The following CARD14 variants were observed in gnomAD, a reference collection of about 807,000 sequenced individuals.
CARD14 encodes caspase recruitment domain-containing protein 14.
In CARD14, 107 loss-of-function variants were observed where a neutral mutation model predicts 111.5. That is an observed-to-expected ratio of 0.96 (90% CI 0.82 to 1.13). CARD14 has a LOEUF of 1.13. CARD14 is among the 50% of genes most tolerant of loss of function. The pLI is 0.00. For synonymous variants in CARD14, 617 were observed against 579.6 expected, an observed-to-expected ratio of 1.06 and a Z score of -0.93; for missense variants, 1,322 against 1,362.3, an observed-to-expected ratio of 0.97 and a Z score of 0.47.
intron 7 of CARD14, among the ~76,000 whole-genome samples, chr17:80,187,352 C>T (rs1362907670): frequency 1.3e-5 from 2 of 152,226 alleles, no homozygotes; most frequent in Non-Finnish European, 2.9e-5. Context: ...TGTAATCAAA[C>T]ACTGTGTTTG....
Position 80,182,501 on chromosome 17 carries a change from A to G in CARD14, c.212-152A>G, listed in dbSNP as rs955987723. ...AGAGCAGTGAGGGCGCGTCCCACCCAGCAGAACCCAGAAAACCGCTTTCAC... is the reference window on the plus strand; with the variant it reads ...AGAGCAGTGAGGGCGCGTCCCACCCGGCAGAACCCAGAAAACCGCTTTCAC... On this transcript the variant is annotated intron_variant, in intron 5 of 23. Transcript: ENST00000648509. The surrounding 1 kb of genome is among the most constrained non-coding windows in gnomAD (Gnocchi z 4.7). 7.1e-6 allele frequency: 6 copies of G among 843,230 alleles called. No homozygotes were observed. The highest frequency in any genetic ancestry group is 1.1e-5 in the Non-Finnish European group (6 of 550,352). The allele number at this position is 843,230 out of a possible 1,614,324, so 52.2% of individuals were successfully genotyped here.
Position 80,198,960 on chromosome 17 carries a change from T to C in CARD14, c.1851+369T>C. The C allele has an allele frequency of 2.8e-6, 3 of 1,090,146 alleles. No homozygotes were observed. Among genetic ancestry groups the C allele is most frequent in the Non-Finnish European group, 3.4e-6 (3 of 892,516 alleles). The allele number at this position is 1,090,146 out of a possible 1,614,324, so 67.5% of individuals were successfully genotyped here. A position where few individuals can be genotyped will look rare whatever the true frequency, so the allele number is the denominator to read the frequency against. On this transcript the variant is annotated intron_variant, in intron 16 of 23. Coordinates refer to ENST00000648509, the MANE Select transcript of CARD14 (RefSeq NM_001366385.1). This position sits in a 1 kb window ranked among gnomAD's most constrained non-coding sequence, Gnocchi z 7.5. ...TCTTTTCTTTCTTTTTTTTTGTTTG[T>C]TGTTTTGAAACAGGGTCTCACTCTG...
intron 2 of CARD14, among the ~76,000 whole-genome samples, chr17:80,176,372 G>A (rs181214110): frequency 1.5e-4 from 23 of 149,856 alleles, no homozygotes; most frequent in South Asian, 2.1e-4. Context: ...CCCAGAAGAC[G>A]GATGTTGCCG....
At chr17:80,184,931 A>T in intron 7 of CARD14, among the ~76,000 whole-genome samples, 1 of 152,220 alleles carries the variant, frequency 6.6e-6, no homozygotes, top group Non-Finnish European at 1.5e-5. Context: ...TCTGAAACTC[A>T]GTGTGTTTCA....
intron 7 of CARD14, among the ~76,000 whole-genome samples, chr17:80,186,973 C>G (rs2040364804): frequency 6.6e-6 from 1 of 152,258 alleles, no homozygotes; most frequent in Non-Finnish European, 1.5e-5. Flanking sequence ...TGGACATATA[C>G]ATACACATAT....
chr17:80,184,199 G>A lies in CARD14; in HGVS notation c.636G>A (p.Lys212=), dbSNP rs757931478. 8 of 1,552,398 alleles carry A rather than the reference G, an allele frequency of 5.2e-6. No individual in the cohort carries two copies. Among genetic ancestry groups the A allele is most frequent in the Non-Finnish European group, 8.7e-7 (1 of 1,147,860 alleles). The change falls in exon 7 of 24, where the codon AAG becomes AAA. Residue 212 remains lysine (K), a synonymous_variant. Transcript: ENST00000648509. ...SLHYSNALQE[K]ELAASRCRSL... ...ACTATAGCAATGCGCTGCAGGAGAA[G>A]GAGCTGGCCGCCTCACGCTGCCGCA...
rs367767898 is a variant in CARD14, at chr17:80,188,554, G to A, written c.843+10G>A. 4.5e-5 allele frequency: 67 copies of A among 1,489,386 alleles called. No individual in the cohort carries two copies. The highest frequency in any genetic ancestry group is 4.0e-4 in the East Asian group (16 of 39,824). 92.3% of individuals were successfully genotyped at this position (1,489,386 alleles called of 1,614,324 possible). The stretch of plus-strand genomic sequence containing the variant: ...GCTGACTTTCAGCCTGGTAGGTTCC[G>A]GTCCCCGCAGCAGAGAGCGGCCTCC... On this transcript the variant is annotated intron_variant, in intron 8 of 23. Coordinates refer to ENST00000648509, the MANE Select transcript of CARD14 (RefSeq NM_001366385.1). The surrounding 1 kb of genome is among the most constrained non-coding windows in gnomAD (Gnocchi z 4.5).
chr17:80,191,332 G>T lies in CARD14; in HGVS notation c.1099G>T (p.Ala367Ser), dbSNP rs375882704. Reference sequence around the variant, plus strand: ...CCGTCGTGGCCCACAGGCGTACTCCGCGAGGGACAGTGCTCAGAGGGAGAT... The same window carrying T: ...CCGTCGTGGCCCACAGGCGTACTCCTCGAGGGACAGTGCTCAGAGGGAGAT... ...LQKERDQAYSARDSAQREISQ... is the reference protein window; with the variant it reads ...LQKERDQAYSSRDSAQREISQ... Residue 367 changes from alanine (A) to serine (S), a missense_variant, in exon 11 of 24, where the codon GCG becomes TCG. By Grantham distance (99) the Ala-to-Ser change is moderately conservative. Transcript: ENST00000648509. 15 of 1,613,122 alleles carry T rather than the reference G, an allele frequency of 9.3e-6. No individual in the cohort carries two copies. The highest frequency in any genetic ancestry group is 6.7e-5 in the East Asian group (3 of 44,868).
intron 11 of CARD14, chr17:80,192,272 AGAAAT>A: frequency 2.2e-6 from 1 of 454,376 alleles, no homozygotes. Context: ...ATATTCTAAA[AGAAAT>A]GAAATGCTGT....
chr17:80,177,474 T>C (rs1204163764), intron 2 of CARD14, among the ~76,000 whole-genome samples: 1 of 152,088 alleles, frequency 6.6e-6, no homozygotes, highest in Non-Finnish European at 1.5e-5. Context: ...GGCAGGCGGA[T>C]CACTTGAGGT....
chr17:80,182,868 A>C lies in CARD14; in HGVS notation c.349+78A>C. On this transcript the variant is annotated intron_variant, in intron 6 of 23. Coordinates refer to ENST00000648509, the MANE Select transcript of CARD14 (RefSeq NM_001366385.1). This position sits in a 1 kb window ranked among gnomAD's most constrained non-coding sequence, Gnocchi z 4.7. ...CCTGGTAACCCCAGGTGCCCCGCTTACTTGCCGATTTGCCCTACTCCCCCT... is the reference window on the plus strand; with the variant it reads ...CCTGGTAACCCCAGGTGCCCCGCTTCCTTGCCGATTTGCCCTACTCCCCCT... 1 of 1,566,436 alleles carries C rather than the reference A, an allele frequency of 6.4e-7. No individual in the cohort carries two copies. The highest frequency in any genetic ancestry group is 8.7e-7 in the Non-Finnish European group (1 of 1,145,196).
chr17:80,191,703 AGAGTCTGCCTCCATATCATC>A (rs1206574336), intron 11 of CARD14, among the ~76,000 whole-genome samples: 1 of 152,250 alleles, frequency 6.6e-6, no homozygotes, highest in Admixed American at 6.5e-5. Context: ...GTAGACAAGT[AGAGTCTGCCTCCATATCATC>A]GAATGGGGAG....
chr17:80,184,860 T>C (rs1449731315), intron 7 of CARD14, among the ~76,000 whole-genome samples: 1 of 150,984 alleles, frequency 6.6e-6, no homozygotes, highest in Non-Finnish European at 1.5e-5. Flanking sequence ...CGTCCTCCTT[T>C]GTCCTTCTCA....
At chr17:80,196,354 T>C (rs2040713767) in intron 14 of CARD14, 1 of 152,216 alleles carries the variant, frequency 6.6e-6, no homozygotes, top group Non-Finnish European at 1.5e-5. Context: ...TCATACACGT[T>C]TTTATTTATA....
chr17:80,206,838 A>C (rs187674509), intron 22 of CARD14, 132 bp from the exon 23 acceptor site: 10,831 of 490,578 alleles, frequency 0.022, 178 homozygotes, highest in Admixed American at 0.065. Flanking sequence ...TCTCCTCTAC[A>C]AAATTCAGCT....
chr17:80,205,731 G>C, intron 22 of CARD14, 79 bp downstream of exon 22: 1 of 1,426,884 alleles, frequency 7.0e-7, no homozygotes, highest in Non-Finnish European at 9.3e-7. Context: ...ATGAGATAAA[G>C]GTACAGGGAC....
Position 80,204,336 on chromosome 17 carries a change from T to C in CARD14, c.2393T>C (p.Met798Thr). The C allele has an allele frequency of 6.4e-7, 1 of 1,570,802 alleles. No individual in the cohort carries two copies. The highest frequency in any genetic ancestry group is 8.7e-7 in the Non-Finnish European group (1 of 1,152,836). The change falls in exon 20 of 24, where the codon ATG becomes ACG. Residue 798 changes from methionine to threonine, a missense_variant. Physicochemically the swap from Met to Thr is moderately conservative, Grantham distance 81 (BLOSUM62 -1). Transcript: ENST00000648509. ...FDRGQLDPSR[M>T]EGSSTCFWAE... ...AGGGGCCAGTTGGACCCCAGCAGGA[T>C]GGAGGGTGAGGCCTGGTGAGCTGGC...
In CARD14 at chr17:80,209,253, A is replaced by G; in HGVS notation, c.*908A>G. 1.1e-6 allele frequency: 1 copy of G among 915,000 alleles called. No individual in the cohort carries two copies. Among genetic ancestry groups the G allele is most frequent in the Middle Eastern group, 5.5e-4 (1 of 1,810 alleles). 56.7% of individuals were successfully genotyped at this position (915,000 alleles called of 1,614,324 possible). A position where few individuals can be genotyped will look rare whatever the true frequency, so the allele number is the denominator to read the frequency against. On this transcript the variant is annotated 3_prime_UTR_variant, in exon 24 of 24. Transcript: ENST00000648509. ...CCAAGAATCAGGAAGCTGTTCTAGA[A>G]TTCAGGTTGGTATCATCATAAATGA...
chr17:80,185,224 A>T (rs7220436), intron 7 of CARD14, among the ~76,000 whole-genome samples: 36,906 of 143,622 alleles, frequency 0.26, 4,699 homozygotes, highest in Middle Eastern at 0.3. Context: ...TTAAAAAAAA[A>T]TTTTTTTTGA....
Sources: allele counts gnomAD v4.1 joint callset (sites outside exome capture counted in the v4.1 genomes callset), GRCh38; gene constraint gnomAD v4.1.1; non-coding constraint Gnocchi (gnomAD v3.1); transcripts MANE v1.5; gene names NCBI Gene and HGNC (gene_info 2026-07-23, HGNC 2026-07-21).